NOC3L: variants seen among roughly 807,000 people sequenced by gnomAD.
The protein encoded by NOC3L is nucleolar complex protein 3 homolog.
A neutral mutation model predicts 102.5 loss-of-function variants in NOC3L; 85 were observed. The ratio of observed to expected loss-of-function variants is 0.83; its 90% CI spans 0.70 to 0.99. The LOEUF is 0.99. NOC3L is among the 50% of genes least tolerant of loss of function. The pLI is 0.00. For missense variants in NOC3L, 878 were observed against 914.9 expected (o/e 0.96, Z 0.52); for synonymous variants, 303 against 309.4 (o/e 0.98, Z 0.22).
Position 94,356,802 on chromosome 10 carries a change from C to T in NOC3L, c.509-211G>A, listed in dbSNP as rs962926716. Among the ~76,000 whole-genome samples the T allele has an allele frequency of 6.6e-5, 10 of 152,126 alleles. 1 individual carries two copies. In the Middle Eastern group the frequency reaches 0.01, roughly 155 times the overall value. On this transcript the variant is annotated intron_variant, in intron 4 of 20. Transcript: ENST00000371361. Reference sequence around the variant, plus strand: ...TCTGAATAGTAGTTTTATAGGTATGCGCTTTGTTATAAACCATGTAACTTC... The same window carrying T: ...TCTGAATAGTAGTTTTATAGGTATGTGCTTTGTTATAAACCATGTAACTTC...
chr10:94,357,171 C>G lies in NOC3L; in HGVS notation c.508+3G>C. ...ACTAATATTACCAGTTTATTAGACT[C>G]ACCTGGCTTCTCCCTAGTCTGTGGG... On this transcript the variant is annotated splice_donor_region_variant and intron_variant, in intron 4 of 20. Transcript: ENST00000371361. 1 of 1,546,156 alleles carries G rather than the reference C, an allele frequency of 6.5e-7. No individual in the cohort carries two copies. The highest frequency in any genetic ancestry group is 8.7e-7 in the Non-Finnish European group (1 of 1,146,936).
chr10:94,346,918 C>T (rs76714674), intron 10 of NOC3L, among the ~76,000 whole-genome samples: 1 of 152,170 alleles, frequency 6.6e-6, no homozygotes, highest in Non-Finnish European at 1.5e-5. Flanking sequence ...ATTGCTGGGC[C>T]CTATCCCCAG....
chr10:94,316,808 C>T, the NOC3L span: 2 of 1,308,032 alleles, frequency 1.5e-6, no homozygotes, highest in Non-Finnish European at 2.2e-6. Flanking sequence ...ATGTGATTAG[C>T]CATTTACCAC....
At chr10:94,329,804 A>C (rs1049910759), downstream of NOC3L, 4 of 149,418 alleles carry the variant, frequency 2.7e-5, no homozygotes, top group Non-Finnish European at 1.5e-5. Flanking sequence ...AAAAAAAAAA[A>C]AAAAAAACAC....
the NOC3L span, chr10:94,324,812 G>T: frequency 5.8e-6 from 8 of 1,377,380 alleles, no homozygotes; most frequent in Admixed American, 8.5e-5. Context: ...GAAGAGGAAA[G>T]CGCTCTTCTG....
At chr10:94,348,449 C>T (rs1007590685) in intron 10 of NOC3L, among the ~76,000 whole-genome samples, 1 of 151,832 alleles carries the variant, frequency 6.6e-6, no homozygotes, top group Non-Finnish European at 1.5e-5. Context: ...CAGATAGTTT[C>T]GTTTCTTTTG....
intron 13 of NOC3L, among the ~76,000 whole-genome samples, chr10:94,344,001 A>T (rs2054314852): frequency 6.6e-6 from 1 of 152,202 alleles, no homozygotes; most frequent in Non-Finnish European, 1.5e-5. Context: ...TGTTGAGTGA[A>T]TACACCAAAA....
chr10:94,350,398 ATTCC>A, intron 8 of NOC3L, 110 bp from the exon 9 acceptor site: 7 of 894,150 alleles, frequency 7.8e-6, no homozygotes, highest in South Asian at 1.5e-5. Flanking sequence ...ACACACACAC[ATTCC>A]CACACCCCTT....
rs2054222146 is a variant in NOC3L at position 94,336,659 on chromosome 10, A to G, written c.2189+1118T>C. 2.0e-5 allele frequency among the ~76,000 whole-genome samples: 3 copies of G among 151,692 alleles called. No homozygotes were observed. The South Asian group carries it at 6.3e-4, about 32-fold the overall frequency. Reference sequence around the variant, plus strand: ...CACTGAGCCTGGCCCTCTGTTGTTTATAAGTTACCCAGTCTTAGGCATTTT... The same window carrying G: ...CACTGAGCCTGGCCCTCTGTTGTTTGTAAGTTACCCAGTCTTAGGCATTTT... On this transcript the variant is annotated intron_variant, in intron 19 of 20. Transcript: ENST00000371361.
chr10:94,345,893 T>TTTATATGCATATAAG (rs2054337023), intron 11 of NOC3L, among the ~76,000 whole-genome samples: 1 of 152,146 alleles, frequency 6.6e-6, no homozygotes, highest in African/African-American at 2.4e-5. Flanking sequence ...GCCTGCCAAG[T>TTTATATGCATATAAG]GTTTTATATG....
chr10:94,359,940 C>G (rs943214777), intron 2 of NOC3L, among the ~76,000 whole-genome samples: 1 of 152,208 alleles, frequency 6.6e-6, no homozygotes, highest in Non-Finnish European at 1.5e-5. Context: ...GAACAGATAT[C>G]TGCACTCCCA....
the NOC3L span, chr10:94,316,590 AT>A: frequency 6.2e-7 from 1 of 1,609,632 alleles, no homozygotes; most frequent in Non-Finnish European, 8.5e-7. Flanking sequence ...ACCACAGACT[AT>A]TTTTTGATGG....
intron 5 of NOC3L, among the ~76,000 whole-genome samples, chr10:94,355,581 G>A (rs1488226246): frequency 6.6e-6 from 1 of 151,672 alleles, no homozygotes; most frequent in Non-Finnish European, 1.5e-5. Flanking sequence ...TAGAGACGGG[G>A]TTTCACCATG....
rs768827838 is a variant in NOC3L, at chr10:94,361,624, A to C, written c.217+41T>G. The C allele has an allele frequency of 3.2e-6, 5 of 1,570,184 alleles. No individual in the cohort carries two copies. In the Admixed American group the frequency reaches 8.6e-5, roughly 27 times the overall value. ...ATTTCCATGAAGAACACTTCAGAAT[A>C]AATCAATGGAAACCAGAGCACATGA... is the stretch of plus-strand genomic sequence containing the variant. On this transcript the variant is annotated intron_variant, in intron 2 of 20. Transcript: ENST00000371361.
chr10:94,325,988 T>C, the NOC3L span, among the ~76,000 whole-genome samples: 5 of 152,334 alleles, frequency 3.3e-5, no homozygotes, highest in East Asian at 9.6e-4. Context: ...AACTGACTGC[T>C]TGATAGTCAC....
intron 13 of NOC3L, among the ~76,000 whole-genome samples, chr10:94,343,084 CAA>C (rs1170755229): frequency 1.6e-3 from 154 of 94,244 alleles, no homozygotes; most frequent in African/African-American, 4.4e-3. Flanking sequence ...ACAGTGTCTC[CAA>C]AAAAAAAAAA....
intron 13 of NOC3L, among the ~76,000 whole-genome samples, chr10:94,342,948 G>A (rs560408056): frequency 2.6e-5 from 4 of 152,194 alleles, no homozygotes; most frequent in South Asian, 2.1e-4. Flanking sequence ...AGCCAGGTGT[G>A]ATGGCACATG....
At chr10:94,325,936 A>C in the NOC3L span, among the ~76,000 whole-genome samples, 1 of 152,222 alleles carries the variant, frequency 6.6e-6, no homozygotes, top group African/African-American at 2.4e-5. Context: ...GGTTAAAAAG[A>C]AAGCAAAATA....
chr10:94,338,767 T>A (rs781686651), intron 17 of NOC3L, 31 bp from the exon 18 acceptor site: 3 of 1,596,984 alleles, frequency 1.9e-6, no homozygotes, highest in Non-Finnish European at 8.6e-7. Context: ...AAGAATTGGT[T>A]AAATTAACAT....
Sources: gnomAD v4.1 joint callset for allele counts (sites outside exome capture counted in the v4.1 genomes callset) on GRCh38, gnomAD v4.1.1 for gene constraint, MANE v1.5 for transcripts, NCBI Gene and HGNC (gene_info 2026-07-23, HGNC 2026-07-21) for gene names.